Variants in MTHFD1L observed in about 807,000 individuals in gnomAD.
MTHFD1L encodes the protein monofunctional C1-tetrahydrofolate synthase, mitochondrial.
A neutral mutation model predicts 119.5 loss-of-function variants in MTHFD1L; 81 were observed. The ratio of observed to expected loss-of-function variants is 0.68; its 90% CI spans 0.57 to 0.82. The LOEUF is 0.82. MTHFD1L is among the 40% of genes least tolerant of loss of function. MTHFD1L has a pLI of 0.00. For missense variants in MTHFD1L, 1,125 were observed against 1,253.4 expected (o/e 0.90, Z 1.55); for synonymous variants, 430 against 475.2 (o/e 0.90, Z 1.24).
intron 9 of MTHFD1L, among the ~76,000 whole-genome samples, chr6:150,920,708 C>T (rs1011497137): frequency 3.3e-5 from 5 of 151,988 alleles, no homozygotes; most frequent in Non-Finnish European, 7.3e-5. Flanking sequence ...AATTGGATGA[C>T]GAACCTATTC....
chr6:150,907,325 G>GA (rs1411949642), intron 8 of MTHFD1L, among the ~76,000 whole-genome samples: 4 of 151,720 alleles, frequency 2.6e-5, no homozygotes, highest in East Asian at 1.9e-4. Context: ...CCTTATTTTT[G>GA]AAAAAAAGTA....
intron 6 of MTHFD1L, 43 bp from the exon 7 acceptor site, chr6:150,887,802 C>A: frequency 6.5e-7 from 1 of 1,536,588 alleles, no homozygotes. Flanking sequence ...AAGGAAGGAT[C>A]TGAAGTTTTG....
At position 150,882,863 on chromosome 6, in the gene MTHFD1L, GA is replaced by G; in HGVS notation, c.522del (p.Lys174AsnfsTer9). 4 of 1,572,450 alleles carry G rather than the reference GA, an allele frequency of 2.5e-6. No homozygotes were observed. Among genetic ancestry groups the G allele is most frequent in the Non-Finnish European group, 3.4e-6 (4 of 1,167,598 alleles). ...LFSNKVLNAL[K>X]PEKDVDGVTD... is the part of the protein sequence containing the mutation. Reference sequence around the variant, plus strand: ...TTAGCAACAAAGTCCTCAATGCCTTGAAACCAGAAAAAGATGTGGATGGGTA... The same window carrying G: ...TTAGCAACAAAGTCCTCAATGCCTTGAACCAGAAAAAGATGTGGATGGGTA... On this transcript the variant is annotated frameshift_variant, in exon 5 of 28. Coordinates refer to ENST00000367321, the MANE Select transcript of MTHFD1L (RefSeq NM_015440.5). LOFTEE classifies it high-confidence loss of function.
intron 26 of MTHFD1L, among the ~76,000 whole-genome samples, chr6:151,053,526 A>T (rs1212248063): frequency 2.6e-5 from 4 of 152,178 alleles, no homozygotes; most frequent in Admixed American, 2.0e-4. Context: ...TTAGCAAATT[A>T]TTCATTTGTG....
At chr6:150,964,200 A>C (rs1796866677) in intron 18 of MTHFD1L, among the ~76,000 whole-genome samples, 1 of 152,190 alleles carries the variant, frequency 6.6e-6, no homozygotes, top group Admixed American at 6.5e-5. Context: ...TTAAAAAATA[A>C]TAACAAACTT....
rs1183465478 is a variant in MTHFD1L at position 150,994,093 on chromosome 6, G to GAA, written c.2126-15724_2126-15723dup. Reference sequence around the variant, plus strand: ...AAAAAAAAAAAAAGAAAGAAAGAAAGAAAGTGACCCAGCACTATAATACAA... The same window carrying GAA: ...AAAAAAAAAAAAAGAAAGAAAGAAAGAAAAAGTGACCCAGCACTATAATACAA... On this transcript the variant is annotated intron_variant, in intron 20 of 27. Transcript: ENST00000367321. Among the ~76,000 whole-genome samples, 8 of 130,364 alleles carry GAA rather than the reference G, an allele frequency of 6.1e-5. 1 individual carries two copies. The highest frequency in any genetic ancestry group is 5.8e-4 in the Admixed American group (8 of 13,826). 85.5% of individuals were successfully genotyped at this position (130,364 alleles called of 152,430 possible).
intron 16 of MTHFD1L, among the ~76,000 whole-genome samples, chr6:150,952,509 G>A (rs1159410260): frequency 6.6e-6 from 1 of 152,056 alleles, no homozygotes; most frequent in Non-Finnish European, 1.5e-5. Flanking sequence ...CTTCCTTTCA[G>A]CCTGTGTACA....
At chr6:150,960,711 AC>A (rs1190698193) in intron 18 of MTHFD1L, among the ~76,000 whole-genome samples, 2 of 151,828 alleles carry the variant, frequency 1.3e-5, no homozygotes, top group Non-Finnish European at 2.9e-5. Flanking sequence ...GGGAGGAGTC[AC>A]CCCCCTGCAG....
At chr6:151,046,378 T>A (rs868111733) in intron 26 of MTHFD1L, among the ~76,000 whole-genome samples, 1 of 150,388 alleles carries the variant, frequency 6.6e-6, no homozygotes, top group Non-Finnish European at 1.5e-5. Context: ...AATCAGCATA[T>A]TGATCTATTA....
intron 8 of MTHFD1L, among the ~76,000 whole-genome samples, chr6:150,911,100 A>T (rs1388624746): frequency 6.6e-6 from 1 of 152,056 alleles, no homozygotes; most frequent in Non-Finnish European, 1.5e-5. Context: ...GTATATTGCC[A>T]GTTTTCCATT....
At chr6:150,951,521 G>A (rs141194505) in intron 16 of MTHFD1L, among the ~76,000 whole-genome samples, 188 of 152,014 alleles carry the variant, frequency 1.2e-3, no homozygotes, top group Non-Finnish European at 2.2e-3. Context: ...TATATCCTAC[G>A]AGTTTCATTC....
At chr6:150,970,701 A>C (rs970899261) in intron 19 of MTHFD1L, among the ~76,000 whole-genome samples, 3 of 152,190 alleles carry the variant, frequency 2.0e-5, no homozygotes, top group Admixed American at 2.0e-4. Context: ...ACTCAAGATA[A>C]ATGTGTGTAT....
chr6:151,059,216 G>C (rs1790352666), intron 26 of MTHFD1L, among the ~76,000 whole-genome samples: 1 of 152,088 alleles, frequency 6.6e-6, no homozygotes, highest in South Asian at 2.1e-4. Flanking sequence ...GGTGGTGGTT[G>C]TGGTGGTTGT....
intron 20 of MTHFD1L, among the ~76,000 whole-genome samples, chr6:150,976,673 A>ACTTCTT (rs1562484011): frequency 1.3e-5 from 2 of 152,228 alleles, no homozygotes; most frequent in Non-Finnish European, 2.9e-5. Context: ...CTGCATTAAG[A>ACTTCTT]AGTAAACTGT....
chr6:151,062,648 T>C (rs1790777312), intron 26 of MTHFD1L, among the ~76,000 whole-genome samples: 1 of 152,154 alleles, frequency 6.6e-6, no homozygotes, highest in African/African-American at 2.4e-5. Flanking sequence ...AGAGTAACCC[T>C]TTGGATATGG....
At chr6:150,868,260 A>G (rs117798740) in intron 1 of MTHFD1L, among the ~76,000 whole-genome samples, 1,656 of 152,222 alleles carry the variant, frequency 0.011, 15 homozygotes, top group Non-Finnish European at 0.017. Flanking sequence ...GGAAACAATT[A>G]TGTGAGAGGA....
intron 26 of MTHFD1L, among the ~76,000 whole-genome samples, chr6:151,079,381 C>G (rs1792892829): frequency 6.6e-6 from 1 of 151,994 alleles, no homozygotes; most frequent in Non-Finnish European, 1.5e-5. Flanking sequence ...CAGTGGCTGC[C>G]TTTCAGGAGT....
At chr6:150,997,432 G>A (rs955021073) in intron 20 of MTHFD1L, among the ~76,000 whole-genome samples, 7 of 152,160 alleles carry the variant, frequency 4.6e-5, no homozygotes, top group Admixed American at 6.5e-5. Flanking sequence ...GGATCAGTGC[G>A]AGTAACAGTG....
chr6:151,073,486 T>C (rs1196476519), intron 26 of MTHFD1L, among the ~76,000 whole-genome samples: 1 of 152,090 alleles, frequency 6.6e-6, no homozygotes, highest in Non-Finnish European at 1.5e-5. Flanking sequence ...AAATACCACC[T>C]AAAATGAGAA....
Sources: allele counts gnomAD v4.1 joint callset (sites outside exome capture counted in the v4.1 genomes callset), GRCh38; gene constraint gnomAD v4.1.1; transcripts MANE v1.5; gene names NCBI Gene and HGNC (gene_info 2026-07-23, HGNC 2026-07-21).